The following NUP42 variants were observed in gnomAD, a reference collection of about 807,000 sequenced individuals.
NUP42 encodes the protein nucleoporin 42, also known as nucleoporin NUP42.
A neutral mutation model predicts 35.9 loss-of-function variants in NUP42; 47 were observed. That is an observed-to-expected ratio of 1.31 (90% CI 1.04 to 1.67). The LOEUF is 1.67. Among genes scored for constraint, NUP42 ranks in the 40% most tolerant of loss-of-function variants. The pLI, the probability that NUP42 is intolerant of heterozygous loss-of-function variation, is 0.00. For synonymous variants in NUP42, 173 were observed against 173.3 expected, an observed-to-expected ratio of 1.00 and a Z score of 0.01; for missense variants, 514 against 492.2, an observed-to-expected ratio of 1.04 and a Z score of -0.42.
intron 5 of NUP42, among the ~76,000 whole-genome samples, chr7:23,198,049 C>T (rs1786076901): frequency 6.6e-6 from 1 of 151,612 alleles, no homozygotes; most frequent in African/African-American, 2.4e-5. Flanking sequence ...GAGTTTAAGA[C>T]CAGCCTGACC....
intron 6 of NUP42, among the ~76,000 whole-genome samples, 199 bp from the exon 7 acceptor site, chr7:23,199,969 C>T (rs1207117892): frequency 1.8e-4 from 27 of 152,118 alleles, no homozygotes; most frequent in Admixed American, 1.8e-3. Context: ...GGATTGTTAG[C>T]AGAAAAGACA....
At chr7:23,187,599 CTTTTTTTTTTTT>C (rs11446033) in intron 3 of NUP42, among the ~76,000 whole-genome samples, 6 of 84,834 alleles carry the variant, frequency 7.1e-5, no homozygotes, top group Admixed American at 4.3e-4. Context: ...GGGATAGCAA[CTTTTTTTTTTTT>C]TTTTTTTTTT....
At chr7:23,190,464 TAA>T (rs1785752214) in intron 3 of NUP42, among the ~76,000 whole-genome samples, 1 of 152,264 alleles carries the variant, frequency 6.6e-6, no homozygotes. Flanking sequence ...TTAAATGAAT[TAA>T]TACTAAGTTT....
chr7:23,193,863 CCCGAGCCCTGCCCCGCAGGG>C (rs1785907089), intron 3 of NUP42, among the ~76,000 whole-genome samples: 1 of 152,258 alleles, frequency 6.6e-6, no homozygotes, highest in Non-Finnish European at 1.5e-5. Context: ...GGCTGCAGGT[CCCGAGCCCTGCCCCGCAGGG>C]AGGCAGCTAA....
At chr7:23,193,620 T>C (rs1051180104) in intron 3 of NUP42, among the ~76,000 whole-genome samples, 3 of 152,002 alleles carry the variant, frequency 2.0e-5, no homozygotes, top group Admixed American at 1.3e-4. Flanking sequence ...TAGCTAGACA[T>C]AAAGGTTCTC....
chr7:23,187,496 T>C (rs1785633326), intron 3 of NUP42: 1 of 175,780 alleles, frequency 5.7e-6, no homozygotes, highest in African/African-American at 2.4e-5. Flanking sequence ...CCTGGTTCTG[T>C]TCTTTCTTCC....
intron 1 of NUP42, among the ~76,000 whole-genome samples, chr7:23,183,006 G>T (rs555952483): frequency 1.3e-5 from 2 of 152,246 alleles, no homozygotes; most frequent in South Asian, 4.1e-4. Context: ...AATTTGGGGT[G>T]AAATTGGGAA....
intron 5 of NUP42, among the ~76,000 whole-genome samples, chr7:23,197,837 CAA>C (rs754095271): frequency 1.5e-5 from 2 of 136,814 alleles, no homozygotes; most frequent in Non-Finnish European, 1.6e-5. Flanking sequence ...GAAACCAGAC[CAA>C]AAAAAAAAAA....
rs185960233 is a variant in NUP42, at chr7:23,200,909, A to C, written c.*164A>C. 2.0e-4 allele frequency: 83 copies of C among 411,132 alleles called. No individual in the cohort carries two copies. The East Asian group carries it at 3.2e-3, about 16-fold the overall frequency. The allele number at this position is 411,132 out of a possible 1,614,324, so 25.5% of individuals were successfully genotyped here. On this transcript the variant is annotated 3_prime_UTR_variant, in exon 7 of 7. Transcript: ENST00000258742. ...TTCTTAACTCTAAATATTTAAGTAA[A>C]AAGTAACAAAAACTCTGCAAGCAAG...
chr7:23,188,000 A>ATTTTTTTT (rs770824203), intron 3 of NUP42: 1 of 974,592 alleles, frequency 1.0e-6, no homozygotes, highest in African/African-American at 1.8e-5. Flanking sequence ...CTCTTTTTTT[A>ATTTTTTTT]TTTTTTATTT....
At chr7:23,191,892 T>C (rs1047651528) in intron 3 of NUP42, among the ~76,000 whole-genome samples, 8 of 151,920 alleles carry the variant, frequency 5.3e-5, no homozygotes, top group African/African-American at 1.9e-4. Context: ...CACTGGAGCC[T>C]AGGAAGTCAA....
At chr7:23,188,820 A>C (rs1785691746) in intron 3 of NUP42, among the ~76,000 whole-genome samples, 1 of 152,218 alleles carries the variant, frequency 6.6e-6, no homozygotes, top group South Asian at 2.1e-4. Context: ...CACTGTGTTG[A>C]CATTTGCACT....
intron 6 of NUP42, 54 bp from the exon 7 acceptor site, chr7:23,200,114 T>C (rs1786158398): frequency 8.0e-7 from 1 of 1,243,928 alleles, no homozygotes; most frequent in South Asian, 1.6e-5. Flanking sequence ...TTGTGACATT[T>C]TTCTGACCGT....
rs1785426829 is a variant in NUP42 at position 23,182,162 on chromosome 7, G to C, written c.77G>C (p.Arg26Thr). ...TGCTGGAACGAACATCCCGGTGCTA[G>C]GGGTGCAGGAGGAGGACGGCAGCAA... ...DRCWNEHPGA[R>T]GAGGGRQQPQ... is the part of the protein sequence containing the mutation. Residue 26 changes from arginine to threonine, a missense_variant, in exon 1 of 7, where the codon AGG becomes ACG. Physicochemically the swap from Arg to Thr is moderately conservative, Grantham distance 71. Coordinates refer to ENST00000258742, the MANE Select transcript of NUP42 (RefSeq NM_007342.3). 6.2e-7 allele frequency: 1 copy of C among 1,613,950 alleles called. No individual in the cohort carries two copies. The highest frequency in any genetic ancestry group is 1.3e-5 in the African/African-American group (1 of 74,952).
chr7:23,188,229 A>G, intron 3 of NUP42: 1 of 1,252,074 alleles, frequency 8.0e-7, no homozygotes, highest in East Asian at 3.2e-5. Context: ...CATTTGCATT[A>G]CAACGCTTCT....
intron 1 of NUP42, 101 bp from the exon 2 acceptor site, chr7:23,184,969 G>A (rs1785539462): frequency 3.2e-6 from 3 of 950,570 alleles, no homozygotes; most frequent in Non-Finnish European, 3.1e-6. Context: ...TCATGCCACT[G>A]TACTCCACCC....
rs144492737 is a variant in NUP42, at chr7:23,191,722, A to T, written c.446-4117A>T. On this transcript the variant is annotated intron_variant, in intron 3 of 6. Coordinates refer to ENST00000258742, the MANE Select transcript of NUP42 (RefSeq NM_007342.3). ...GCTTTTGGGCCAGATGTGGTGGCTC[A>T]TGCTTGTAATCCTAGCACTTTGGGA... is the stretch of plus-strand genomic sequence containing the variant. Among the ~76,000 whole-genome samples, 16 of 152,334 alleles carry T rather than the reference A, an allele frequency of 1.1e-4. No individual in the cohort carries two copies. The East Asian group carries it at 3.1e-3, about 29-fold the overall frequency.
chr7:23,200,080 A>G (rs1786157090), intron 6 of NUP42, 88 bp from the exon 7 acceptor site: 1 of 981,624 alleles, frequency 1.0e-6, no homozygotes, highest in Non-Finnish European at 1.5e-6. Flanking sequence ...ATAAATAAGA[A>G]AAAAAGATAG....
intron 3 of NUP42, among the ~76,000 whole-genome samples, chr7:23,192,274 G>A (rs1010157249): frequency 7.2e-5 from 11 of 152,038 alleles, no homozygotes; most frequent in Non-Finnish European, 1.5e-4. Context: ...GATCAGGCGC[G>A]GTGGCTCACG....
Sources: gnomAD v4.1 joint callset for allele counts (sites outside exome capture counted in the v4.1 genomes callset) on GRCh38, gnomAD v4.1.1 for gene constraint, MANE v1.5 for transcripts, NCBI Gene and HGNC (gene_info 2026-07-23, HGNC 2026-07-21) for gene names.